Variants in ATP8B1 observed in about 807,000 individuals in gnomAD.
ATP8B1 encodes phospholipid-transporting ATPase IC.
ATP8B1 carries 80 observed loss-of-function variants against 149.9 expected under a neutral mutation model. The ratio of observed to expected loss-of-function variants is 0.53; its 90% CI spans 0.45 to 0.64. The LOEUF (loss-of-function observed/expected upper bound fraction) is 0.64. Among genes scored for constraint, ATP8B1 ranks in the 30% least tolerant of loss-of-function variants. The probability of loss-of-function intolerance (pLI) is 0.00; values close to 1 mark genes in which losing one functional copy is unlikely to be tolerated. For missense variants in ATP8B1, 1,247 were observed against 1,552.6 expected (o/e 0.80, Z 3.31); for synonymous variants, 536 against 562.8 (o/e 0.95, Z 0.67).
intron 2 of ATP8B1, among the ~76,000 whole-genome samples, chr18:57,710,293 T>C (rs2122999691): frequency 6.6e-6 from 1 of 152,290 alleles, no homozygotes; most frequent in East Asian, 1.9e-4. Context: ...ACAGAGATGA[T>C]TTTAACAGCT....
chr18:57,780,195 C>T (rs11874524), intron 1 of ATP8B1, among the ~76,000 whole-genome samples: 34,307 of 152,086 alleles, frequency 0.23, 4,612 homozygotes, highest in East Asian at 0.5. Flanking sequence ...AAAGGTAAAG[C>T]AAACATTAGT....
In ATP8B1 at chr18:57,740,015, T is replaced by G. The variant is rs2079895732; in HGVS notation, c.-25-8183A>C. Among the ~76,000 whole-genome samples the G allele has an allele frequency of 2.6e-5, 4 of 152,202 alleles. No homozygotes were observed. In the South Asian group the frequency reaches 8.3e-4, roughly 32 times the overall value. On this transcript the variant is annotated intron_variant, in intron 1 of 27. Coordinates refer to ENST00000648908, the MANE Select transcript of ATP8B1 (RefSeq NM_001374385.1). ...CCAAATTCGGCCCACTACCTATTTT[T>G]TTAGATAAAGTTTTATTAGAATGCA...
chr18:57,756,761 T>C (rs1391886185), intron 1 of ATP8B1, among the ~76,000 whole-genome samples: 3 of 152,174 alleles, frequency 2.0e-5, no homozygotes, highest in Non-Finnish European at 4.4e-5. Flanking sequence ...GAACATCACA[T>C]AGGTGATGCT....
intron 1 of ATP8B1, among the ~76,000 whole-genome samples, chr18:57,794,229 A>G (rs2080489396): frequency 6.6e-6 from 1 of 152,162 alleles, no homozygotes; most frequent in South Asian, 2.1e-4. Flanking sequence ...TTCAGGGCAC[A>G]GTGTGAGTAT....
Position 57,669,450 on chromosome 18 carries a change from G to A in ATP8B1, c.1965C>T (p.Cys655=), listed in dbSNP as rs758992225. 6.2e-7 allele frequency: 1 copy of A among 1,613,200 alleles called. No homozygotes were observed. The highest frequency in any genetic ancestry group is 1.1e-5 in the South Asian group (1 of 91,036). ...TTTCTTCAATTTCCTTGTAGCAAAG[G>A]CATAGGGTTCTAAGAGTTTCATTTG... The part of the protein sequence containing the change: ...IFANETLRTL[C]LCYKEIEEKE... The change falls in exon 18 of 28, where the codon TGC becomes TGT. Residue 655 remains cysteine, a synonymous_variant. Transcript: ENST00000648908.
At chr18:57,743,274 G>C (rs2079935740) in intron 1 of ATP8B1, among the ~76,000 whole-genome samples, 1 of 152,102 alleles carries the variant, frequency 6.6e-6, no homozygotes, top group Non-Finnish European at 1.5e-5. Context: ...CGTAGATTCA[G>C]ATTGGAATTC....
chr18:57,797,852 G>A (rs562416707), intron 1 of ATP8B1, among the ~76,000 whole-genome samples: 13 of 151,878 alleles, frequency 8.6e-5, no homozygotes, highest in Non-Finnish European at 1.8e-4. Context: ...GACTACGGGC[G>A]CATGCCACCA....
At chr18:57,684,289 G>T in intron 14 of ATP8B1, 97 bp from the exon 15 acceptor site, 2 of 1,305,116 alleles carry the variant, frequency 1.5e-6, no homozygotes, top group Non-Finnish European at 2.1e-6. Flanking sequence ...TTTCAATTAT[G>T]CAAAAACCAC....
At chr18:57,672,906 A>AACATG (rs1911311100) in intron 16 of ATP8B1, among the ~76,000 whole-genome samples, 2 of 73,678 alleles carry the variant, frequency 2.7e-5, no homozygotes, top group East Asian at 4.6e-4. Flanking sequence ...ATATATATAT[A>AACATG]TATATATATA....
rs563061472 is a variant in ATP8B1, at chr18:57,688,918, C to T, written c.1221-411G>A. 6.8e-4 allele frequency among the ~76,000 whole-genome samples: 103 copies of T among 152,258 alleles called. 1 individual carries two copies. Among genetic ancestry groups the T allele is most frequent in the African/African-American group, 2.2e-3 (92 of 41,564 alleles). On this transcript the variant is annotated intron_variant, in intron 12 of 27. Transcript: ENST00000648908. ...CTCCAGAACTCTGAGCAATAAATTT[C>T]GAAGGTCTTTTGTTATATCAGCCCA... is the stretch of plus-strand genomic sequence containing the variant.
chr18:57,649,932 G>C (rs951560783), intron 27 of ATP8B1, among the ~76,000 whole-genome samples: 9 of 152,082 alleles, frequency 5.9e-5, no homozygotes, highest in African/African-American at 2.2e-4. Flanking sequence ...CAATCAACTG[G>C]GCCTGAAGCC....
At position 57,743,980 on chromosome 18, in the gene ATP8B1, GCAA is replaced by G. The variant is rs535907635; in HGVS notation, c.-25-12151_-25-12149del. ...CTTATTACCTCCACCATCACACTCA[GCAA>G]CAACACTCAGTGCATGAATCTAGCC... On this transcript the variant is annotated intron_variant, in intron 1 of 27. Coordinates refer to ENST00000648908, the MANE Select transcript of ATP8B1 (RefSeq NM_001374385.1). Among the ~76,000 whole-genome samples the G allele has an allele frequency of 6.6e-5, 10 of 152,196 alleles. No individual in the cohort carries two copies. The East Asian group carries it at 1.9e-3, about 29-fold the overall frequency.
chr18:57,764,779 A>C (rs943666122), intron 1 of ATP8B1, among the ~76,000 whole-genome samples: 9 of 146,214 alleles, frequency 6.2e-5, no homozygotes, highest in Non-Finnish European at 1.1e-4. Context: ...AAAAAAAAAA[A>C]ACAGAAAATA....
Position 57,652,107 on chromosome 18 carries a change from A to T in ATP8B1, c.3327T>A (p.Leu1109=). ...NAFSIFGSIA[L]YFGIMFDFHS... ...GAAAGTCAAACATGATGCCAAAATA[A>T]AGTGCAATGCTTCCAAAAATTGAAA... Residue 1109 remains leucine (L), a synonymous_variant, in exon 26 of 28, where the codon CTT becomes CTA. Coordinates refer to ENST00000648908, the MANE Select transcript of ATP8B1 (RefSeq NM_001374385.1). 6.2e-7 allele frequency: 1 copy of T among 1,613,994 alleles called. No individual in the cohort carries two copies. Among genetic ancestry groups the T allele is most frequent in the Non-Finnish European group, 8.5e-7 (1 of 1,179,838 alleles).
At chr18:57,686,069 G>A (rs1912225190) in intron 13 of ATP8B1, among the ~76,000 whole-genome samples, 1 of 152,124 alleles carries the variant, frequency 6.6e-6, no homozygotes, top group Non-Finnish European at 1.5e-5. Context: ...TCAACATGGT[G>A]AAACCCCATC....
chr18:57,733,769 G>C (rs2079816591), intron 1 of ATP8B1, among the ~76,000 whole-genome samples: 2 of 151,426 alleles, frequency 1.3e-5, no homozygotes, highest in African/African-American at 4.8e-5. Flanking sequence ...AGAGGTCTAT[G>C]CTCTATTTTT....
At chr18:57,793,070 A>G (rs750729603) in intron 1 of ATP8B1, among the ~76,000 whole-genome samples, 3 of 152,184 alleles carry the variant, frequency 2.0e-5, no homozygotes, top group Non-Finnish European at 4.4e-5. Flanking sequence ...CCTTATATGT[A>G]TGTTTCTGAG....
intron 19 of ATP8B1, chr18:57,668,087 G>A (rs1168150569): frequency 1.5e-6 from 2 of 1,316,670 alleles, no homozygotes; most frequent in Non-Finnish European, 2.0e-6. Flanking sequence ...TCTACTCTGT[G>A]CCCACCAAAT....
At chr18:57,713,729 T>A (rs74764413) in intron 2 of ATP8B1, among the ~76,000 whole-genome samples, 3 of 62,850 alleles carry the variant, frequency 4.8e-5, no homozygotes, top group South Asian at 5.7e-4. Context: ...ACCTCAAGTG[T>A]TCCACCCACC....
Sources: gnomAD v4.1 joint callset for allele counts (sites outside exome capture counted in the v4.1 genomes callset) on GRCh38, gnomAD v4.1.1 for gene constraint, MANE v1.5 for transcripts, NCBI Gene and HGNC (gene_info 2026-07-23, HGNC 2026-07-21) for gene names.